Variants in MRAS observed in about 807,000 individuals in gnomAD.
MRAS encodes the protein muscle RAS oncogene homolog.
Under a neutral mutation model 20.9 loss-of-function variants are expected in MRAS, and 4 were observed. The observed-to-expected ratio is 0.19, with a 90% confidence interval of 0.09 to 0.44. MRAS has a LOEUF of 0.44. Among genes scored for constraint, MRAS ranks in the 20% least tolerant of loss-of-function variants. MRAS has a pLI of 0.99. For missense variants in MRAS, 154 were observed against 277.5 expected (o/e 0.56, Z 3.16); for synonymous variants, 98 against 102.9 (o/e 0.95, Z 0.29).
At chr3:138,348,343 G>A (rs2054155631), upstream of MRAS, 1 of 152,384 alleles carries the variant, frequency 6.6e-6, no homozygotes, top group Admixed American at 6.5e-5. Flanking sequence ...CTGGGCCGCG[G>A]GAGAGGCTGC....
intron 1 of MRAS, among the ~76,000 whole-genome samples, chr3:138,364,932 T>C (rs760595782): frequency 2.5e-4 from 38 of 152,236 alleles, no homozygotes; most frequent in Non-Finnish European, 4.8e-4. Flanking sequence ...TGCTGACCTC[T>C]TTCCAGCACT....
chr3:138,393,077 C>G (rs2055163382), intron 2 of MRAS, among the ~76,000 whole-genome samples: 1 of 152,162 alleles, frequency 6.6e-6, no homozygotes, highest in Non-Finnish European at 1.5e-5. Context: ...TAGATGTAAT[C>G]AGGATCATTA....
intron 2 of MRAS, among the ~76,000 whole-genome samples, chr3:138,389,424 T>G (rs2055082790): frequency 6.7e-6 from 1 of 148,456 alleles, no homozygotes; most frequent in African/African-American, 2.5e-5. Context: ...AAGATGGAGG[T>G]CAGAGGCTGG....
chr3:138,363,826 C>G (rs9755336), intron 1 of MRAS, among the ~76,000 whole-genome samples: 7,204 of 103,528 alleles, frequency 0.07, 1,638 homozygotes, highest in African/African-American at 0.26. Flanking sequence ...TTTACCCCCC[C>G]CCCCCCCCAA....
Position 138,400,517 on chromosome 3 carries a change from T to C in MRAS, c.448-17T>C. 1 of 1,601,364 alleles carries C rather than the reference T, an allele frequency of 6.2e-7. No individual in the cohort carries two copies. The highest frequency in any genetic ancestry group is 2.2e-5 in the East Asian group (1 of 44,808). Reference sequence around the variant, plus strand: ...GATCTCTGTGCCACTTTGATCAAGTTGAGCTTTGCCTTCCAGATTCCGTAC... The same window carrying C: ...GATCTCTGTGCCACTTTGATCAAGTCGAGCTTTGCCTTCCAGATTCCGTAC... On this transcript the variant is annotated splice_polypyrimidine_tract_variant and intron_variant, in intron 4 of 5. Coordinates refer to ENST00000423968, the MANE Select transcript of MRAS (RefSeq NM_001085049.3).
chr3:138,374,077 G>A (rs2054732042), intron 2 of MRAS, among the ~76,000 whole-genome samples: 1 of 151,992 alleles, frequency 6.6e-6, no homozygotes, highest in South Asian at 2.1e-4. Flanking sequence ...TCTTGCCTCA[G>A]CCTCCCAAGT....
chr3:138,365,413 T>A (rs1021115773), intron 1 of MRAS, among the ~76,000 whole-genome samples: 4 of 152,204 alleles, frequency 2.6e-5, no homozygotes, highest in Admixed American at 2.6e-4. Context: ...TGAGGAAGCA[T>A]GTGGTACTTA....
chr3:138,372,273 C>T (rs1391512848), intron 1 of MRAS, among the ~76,000 whole-genome samples: 1 of 152,180 alleles, frequency 6.6e-6, no homozygotes, highest in East Asian at 1.9e-4. Context: ...CCTACCCCCT[C>T]CTCCCCAAAT....
chr3:138,374,481 A>G (rs757368819), intron 2 of MRAS, among the ~76,000 whole-genome samples: 1 of 152,134 alleles, frequency 6.6e-6, no homozygotes, highest in Non-Finnish European at 1.5e-5. Flanking sequence ...TCTTTTTTGT[A>G]GATTCTGCTG....
intron 1 of MRAS, among the ~76,000 whole-genome samples, chr3:138,371,180 CT>C (rs999028979): frequency 5.9e-5 from 9 of 152,278 alleles, no homozygotes; most frequent in African/African-American, 2.2e-4. Flanking sequence ...CAGATTTGCA[CT>C]TTCTCTGCAG....
chr3:138,355,669 G>A (rs955494948), intron 1 of MRAS, among the ~76,000 whole-genome samples: 5 of 152,192 alleles, frequency 3.3e-5, no homozygotes, highest in African/African-American at 1.2e-4. Context: ...AGTGGCTCAC[G>A]CCTGTAATTC....
At chr3:138,400,662 C>T (rs746001002) in intron 5 of MRAS, 49 bp downstream of exon 5, 2 of 1,486,220 alleles carry the variant, frequency 1.3e-6, no homozygotes, top group Non-Finnish European at 1.9e-6. Flanking sequence ...CATGGGTTGG[C>T]TCCTGGAGGC....
Position 138,400,600 on chromosome 3 carries a change from G to A in MRAS, c.514G>A (p.Val172Ile), listed in dbSNP as rs758935565. The change falls in exon 5 of 6, where the codon GTT (valine) becomes ATT (isoleucine). Residue 172 changes from valine to isoleucine, a missense_variant. Around this residue, in one of 3 missense-constraint regions of MRAS, gnomAD observed 125 missense variants for 213.5 expected, o/e 0.59. Transcript: ENST00000423968. ...LNVDKAFHDL[V>I]RVIRQQIPEK... Reference sequence around the variant, plus strand: ...TGTCGACAAAGCCTTCCATGACCTCGTTAGAGTAATTAGGTGAGCACTGCC... The same window carrying A: ...TGTCGACAAAGCCTTCCATGACCTCATTAGAGTAATTAGGTGAGCACTGCC... The A allele has an allele frequency of 8.1e-6, 13 of 1,611,936 alleles. No individual in the cohort carries two copies. Among genetic ancestry groups the A allele is most frequent in the South Asian group, 1.1e-5 (1 of 91,046 alleles).
At chr3:138,361,500 G>C (rs1287625110) in intron 1 of MRAS, among the ~76,000 whole-genome samples, 1 of 152,232 alleles carries the variant, frequency 6.6e-6, no homozygotes, top group Non-Finnish European at 1.5e-5. Flanking sequence ...TGTTTGCACT[G>C]CCAAGGGAGA....
upstream of MRAS, chr3:138,347,783 G>A (rs1163924729): frequency 3.9e-5 from 6 of 152,122 alleles, no homozygotes; most frequent in Admixed American, 2.6e-4. Context: ...AGTAGAGACG[G>A]GGTTTCACCA....
chr3:138,355,834 G>C (rs1490302311), intron 1 of MRAS, among the ~76,000 whole-genome samples: 1 of 152,224 alleles, frequency 6.6e-6, no homozygotes, highest in East Asian at 1.9e-4. Flanking sequence ...CAGAGGCCAA[G>C]GCAGGAGAAT....
chr3:138,351,404 C>T (rs1250073665), intron 1 of MRAS, among the ~76,000 whole-genome samples: 1 of 152,206 alleles, frequency 6.6e-6, no homozygotes. Flanking sequence ...ATAGAAGGTA[C>T]AGTCACCTTT....
At chr3:138,401,658 G>A (rs1368920365) in intron 5 of MRAS, among the ~76,000 whole-genome samples, 2 of 152,170 alleles carry the variant, frequency 1.3e-5, no homozygotes, top group African/African-American at 4.8e-5. Context: ...TTGCTCTTGG[G>A]CATTTTGCCT....
chr3:138,398,689 TAAG>T (rs1276996028), intron 4 of MRAS, 121 bp downstream of exon 4: 3 of 823,152 alleles, frequency 3.6e-6, no homozygotes, highest in Admixed American at 4.8e-5. Flanking sequence ...CCCCTTAGTT[TAAG>T]TCTTGTTGCT....
Sources: gnomAD v4.1 joint callset for allele counts (sites outside exome capture counted in the v4.1 genomes callset) on GRCh38, gnomAD v4.1.1 for gene constraint, gnomAD v4.1.1 regional missense constraint, MANE v1.5 for transcripts, NCBI Gene and HGNC (gene_info 2026-07-23, HGNC 2026-07-21) for gene names.